PFKL: variants seen among roughly 807,000 people sequenced by gnomAD.
The protein encoded by PFKL is ATP-dependent 6-phosphofructokinase, liver type.
PFKL carries 74 observed loss-of-function variants against 92.1 expected under a neutral mutation model. The ratio of observed to expected loss-of-function variants is 0.80; its 90% confidence interval spans 0.67 to 0.97. The LOEUF (loss-of-function observed/expected upper bound fraction) is 0.97. Ranked by LOEUF, PFKL falls within the 50% of genes least tolerant of loss-of-function variation. The pLI is 0.00. For missense variants in PFKL, 1,028 were observed against 1,116.6 expected (o/e 0.92, Z 1.13); for synonymous variants, 494 against 456.4 (o/e 1.08, Z -1.05).
At chr21:44,304,470 G>C (rs1412184728) in intron 1 of PFKL, 1 of 1,192,926 alleles carries the variant, frequency 8.4e-7, no homozygotes, top group Non-Finnish European at 1.1e-6. Flanking sequence ...GCTTGGACCT[G>C]TGGTGGGACC....
At chr21:44,308,509 C>T (rs1350240124) in intron 2 of PFKL, among the ~76,000 whole-genome samples, 2 of 151,698 alleles carry the variant, frequency 1.3e-5, no homozygotes, top group East Asian at 3.9e-4. Flanking sequence ...ACCTGCCCTC[C>T]TCCCAGGGAA....
intron 5 of PFKL, 137 bp from the exon 6 acceptor site, chr21:44,313,501 C>T (rs1420091030): frequency 1.2e-6 from 1 of 813,958 alleles, no homozygotes; most frequent in South Asian, 1.6e-5. Context: ...TATCTTTTAG[C>T]TCAGAGCCTG....
At chr21:44,319,540 C>T (rs549930631) in intron 11 of PFKL, 125 bp downstream of exon 11, 18 of 838,714 alleles carry the variant, frequency 2.1e-5, no homozygotes, top group South Asian at 4.3e-5. Flanking sequence ...GTCTGAAGAT[C>T]GAGGGAGGAA....
At chr21:44,325,050 G>A (rs2047462975) in intron 18 of PFKL, 103 bp from the exon 19 acceptor site, 1 of 1,190,262 alleles carries the variant, frequency 8.4e-7, no homozygotes, top group Non-Finnish European at 1.2e-6. Flanking sequence ...CGGCTTTCCT[G>A]GGAGCTGCCA....
chr21:44,326,827 A>AC lies in PFKL; in HGVS notation c.2311dup (p.Arg771ProfsTer72). 6.3e-7 allele frequency: 1 copy of AC among 1,586,786 alleles called. No individual in the cohort carries two copies. Among genetic ancestry groups the AC allele is most frequent in the Non-Finnish European group, 8.6e-7 (1 of 1,167,068 alleles). ...CGTGTCAGGGGAGCTGGAGCACGTGACCCGCCGCACCCTGAGCATGGACAA... is the reference window on the plus strand; with the variant it reads ...CGTGTCAGGGGAGCTGGAGCACGTGACCCCGCCGCACCCTGAGCATGGACAA... On this transcript the variant is annotated frameshift_variant, in exon 22 of 22. Transcript: ENST00000349048. LOFTEE classifies it high-confidence loss of function.
At chr21:44,303,410 C>CAAAAAAAAAAAAAAAAAAAAAAAAAAA (rs1190805609) in intron 1 of PFKL, among the ~76,000 whole-genome samples, 1 of 9,164 alleles carries the variant, frequency 1.1e-4, no homozygotes, top group Non-Finnish European at 1.9e-4. Flanking sequence ...GACTCTGTCT[C>CAAAAAAAAAAAAAAAAAAAAAAAAAAA]AAAAAAAAAA....
At chr21:44,300,858 C>G (rs369828848) in intron 1 of PFKL, among the ~76,000 whole-genome samples, 5 of 152,284 alleles carry the variant, frequency 3.3e-5, no homozygotes, top group Non-Finnish European at 5.9e-5. Context: ...TGTCCTCGCA[C>G]GCTCCCTCCC....
intron 1 of PFKL, among the ~76,000 whole-genome samples, chr21:44,306,345 C>T (rs768681867): frequency 7.2e-5 from 11 of 152,284 alleles, no homozygotes; most frequent in African/African-American, 1.4e-4. Context: ...TCCAGGTGCT[C>T]GGAAGCTGAA....
rs746623778 is a variant in PFKL, at chr21:44,312,306, C to T, written c.427+12C>T. On this transcript the variant is annotated intron_variant, in intron 4 of 21. Transcript: ENST00000349048. ...GCTGGTGGCGGAAGGTGGGTCTGTG[C>T]CCGGCGCACTGTAGGCCCTGGGGTT... 5.7e-6 allele frequency: 9 copies of T among 1,575,766 alleles called. No homozygotes were observed. In the Admixed American group the frequency reaches 7.3e-5, roughly 13 times the overall value.
rs938358586 is a variant in PFKL at position 44,318,676 on chromosome 21, G to A, written c.1062+81G>A. ...TCACAGGCCCCACTGCTCTCTGGGG[G>A]CCCCAGCACTGTGAGCACCGGAGGG... On this transcript the variant is annotated intron_variant, in intron 10 of 21. Coordinates refer to ENST00000349048, the MANE Select transcript of PFKL (RefSeq NM_002626.6). The A allele has an allele frequency of 2.3e-6, 3 of 1,285,806 alleles. No homozygotes were observed. The African/African-American group carries it at 4.6e-5, about 20-fold the overall frequency. The allele number at this position is 1,285,806 out of a possible 1,614,324, so 79.6% of individuals were successfully genotyped here.
intron 1 of PFKL, chr21:44,305,980 G>A (rs1312722401): frequency 7.6e-7 from 1 of 1,322,482 alleles, no homozygotes; most frequent in Non-Finnish European, 1.0e-6. Flanking sequence ...CTGTTCCCTG[G>A]GTGGCTGAGG....
At chr21:44,324,949 G>A (rs1277165132) in intron 18 of PFKL, 32 bp downstream of exon 18, 4 of 1,574,842 alleles carry the variant, frequency 2.5e-6, no homozygotes. Flanking sequence ...GGCCACAGCT[G>A]CGCGTCCAAC....
chr21:44,318,675 G>C, intron 10 of PFKL, 80 bp downstream of exon 10: 1 of 1,316,846 alleles, frequency 7.6e-7, no homozygotes, highest in Admixed American at 2.8e-5. Context: ...GCTCTCTGGG[G>C]GCCCCAGCAC....
chr21:44,320,283 T>C, intron 12 of PFKL, 136 bp downstream of exon 12: 1 of 692,370 alleles, frequency 1.4e-6, no homozygotes, highest in Non-Finnish European at 2.4e-6. Context: ...GCTGGGAGGG[T>C]GGGCCTGACC....
intron 21 of PFKL, 135 bp downstream of exon 21, chr21:44,326,399 C>A (rs544718468): frequency 1.4e-6 from 1 of 706,092 alleles, no homozygotes; most frequent in African/African-American, 1.8e-5. Flanking sequence ...ATGCCCAGGT[C>A]CCCGCCAGGC....
rs761112636 is a variant in PFKL, at chr21:44,324,836, C to A, written c.1816-20C>A. On this transcript the variant is annotated intron_variant, in intron 17 of 21. Coordinates refer to ENST00000349048, the MANE Select transcript of PFKL (RefSeq NM_002626.6). Reference sequence around the variant, plus strand: ...CCTCCCCACAGTCCTCCGGCTCATCCGTGTCCGCCCCTCCCGCAGGTCAAC... The same window carrying A: ...CCTCCCCACAGTCCTCCGGCTCATCAGTGTCCGCCCCTCCCGCAGGTCAAC... 3.7e-6 allele frequency: 6 copies of A among 1,602,710 alleles called. No homozygotes were observed. Among genetic ancestry groups the A allele is most frequent in the Non-Finnish European group, 4.3e-6 (5 of 1,174,666 alleles).
Position 44,308,392 on chromosome 21 carries a change from G to A in PFKL, c.159+1638G>A, listed in dbSNP as rs374532610. On this transcript the variant is annotated intron_variant, in intron 2 of 21. Transcript: ENST00000349048. ...GCGGCCCAGGGAAGACTTCCCCTCC[G>A]TCCCATGAAGGTTCTTGGAAGAATC... Among the ~76,000 whole-genome samples the A allele has an allele frequency of 1.2e-4, 19 of 152,154 alleles. No homozygotes were observed. The East Asian group carries it at 1.3e-3, about 11-fold the overall frequency.
At chr21:44,322,917 G>A (rs761958658) in intron 14 of PFKL, 45 bp from the exon 15 acceptor site, 41 of 1,403,616 alleles carry the variant, frequency 2.9e-5, no homozygotes, top group Admixed American at 5.1e-5. Context: ...CTGGACACGC[G>A]TCCCCGGGTG....
intron 4 of PFKL, 68 bp from the exon 5 acceptor site, chr21:44,312,909 GA>G (rs2047088503): frequency 3.9e-6 from 6 of 1,530,738 alleles, no homozygotes; most frequent in Non-Finnish European, 5.4e-6. Context: ...GGTGGCAGGA[GA>G]GGGGTCTCTG....
Sources: gnomAD v4.1 joint callset for allele counts (sites outside exome capture counted in the v4.1 genomes callset) on GRCh38, gnomAD v4.1.1 for gene constraint, MANE v1.5 for transcripts, NCBI Gene and HGNC (gene_info 2026-07-23, HGNC 2026-07-21) for gene names.